XPO6: variants seen among roughly 807,000 people sequenced by gnomAD.
The protein encoded by XPO6 is exportin-6.
In XPO6, 3 loss-of-function variants were observed where a neutral mutation model predicts 130.0. The observed-to-expected ratio is 0.02, with a 90% CI of 0.01 to 0.06. The LOEUF is 0.06. Among genes scored for constraint, XPO6 ranks in the 10% least tolerant of loss-of-function variants. The pLI, the probability that XPO6 is intolerant of heterozygous loss-of-function variation, is 1.00. For missense variants in XPO6, 970 were observed against 1,393.0 expected (o/e 0.70, Z 4.83); for synonymous variants, 524 against 548.9 (o/e 0.95, Z 0.63).
intron 9 of XPO6, among the ~76,000 whole-genome samples, chr16:28,143,910 C>T (rs769120336): frequency 2.0e-5 from 3 of 152,236 alleles, no homozygotes; most frequent in Non-Finnish European, 4.4e-5. Context: ...GCTGGGATTA[C>T]AGGCAGGAGC....
chr16:28,107,530 T>C lies in XPO6; in HGVS notation c.2489A>G (p.His830Arg). ...VSLALFPAFI[H>R]QSDVTDEMLS... The stretch of plus-strand genomic sequence containing the variant: ...TCTGGGCCAGCTCCTACCTGACTGA[T>C]GGATAAAAGCTGGAAAGAGGGCCAG... Residue 830 changes from histidine to arginine, a missense_variant, in exon 18 of 24, where the codon CAT (histidine) becomes CGT (arginine). Physicochemically the swap from His to Arg is conservative, Grantham distance 29. This residue lies in a region of XPO6 where 936 missense variants were observed against 1,306.8 expected (regional missense o/e 0.72). Coordinates refer to ENST00000304658, the MANE Select transcript of XPO6 (RefSeq NM_015171.4). 1 of 1,614,104 alleles carries C rather than the reference T, an allele frequency of 6.2e-7. No homozygotes were observed. Among genetic ancestry groups the C allele is most frequent in the Non-Finnish European group, 8.5e-7 (1 of 1,179,988 alleles).
intron 1 of XPO6, among the ~76,000 whole-genome samples, chr16:28,181,931 C>T (rs2043623278): frequency 6.6e-6 from 1 of 152,044 alleles, no homozygotes; most frequent in Admixed American, 6.6e-5. Flanking sequence ...TCATATGGAG[C>T]CCCAAAACCC....
chr16:28,122,218 G>C (rs1258438061), intron 13 of XPO6, among the ~76,000 whole-genome samples: 1 of 152,028 alleles, frequency 6.6e-6, no homozygotes, highest in Non-Finnish European at 1.5e-5. Flanking sequence ...TTTAGGGGGA[G>C]GATAGAGTGG....
At chr16:28,113,144 G>C (rs2086971356) in intron 15 of XPO6, 94 bp from the exon 16 acceptor site, 1 of 1,471,422 alleles carries the variant, frequency 6.8e-7, no homozygotes, top group Non-Finnish European at 9.1e-7. Flanking sequence ...TGTCATTCTT[G>C]GTTTCCAAAT....
At chr16:28,120,829 A>G (rs538599636) in intron 14 of XPO6, among the ~76,000 whole-genome samples, 1 of 152,332 alleles carries the variant, frequency 6.6e-6, no homozygotes, top group African/African-American at 2.4e-5. Flanking sequence ...ATATTTTCAG[A>G]TTTGCAGGGC....
At chr16:28,206,529 C>T (rs1250341324) in intron 1 of XPO6, among the ~76,000 whole-genome samples, 1 of 152,062 alleles carries the variant, frequency 6.6e-6, no homozygotes, top group Admixed American at 6.6e-5. Flanking sequence ...GCCTGGACAA[C>T]AGAGCAAGAC....
intron 7 of XPO6, 66 bp downstream of exon 7, chr16:28,156,008 G>A (rs1168722520): frequency 6.5e-7 from 1 of 1,533,576 alleles, no homozygotes; most frequent in Non-Finnish European, 8.8e-7. Flanking sequence ...ATGCCATGCA[G>A]CACAGCATGG....
In XPO6 at chr16:28,121,817, CA is replaced by C. The variant is rs369298254; in HGVS notation, c.1767-56del. 719 of 1,216,170 alleles carry C rather than the reference CA, an allele frequency of 5.9e-4. 4 individuals carry two copies. In the East Asian group the frequency reaches 0.014, roughly 24 times the overall value. The allele number at this position is 1,216,170 out of a possible 1,614,324, so 75.3% of individuals were successfully genotyped here. A position where few individuals can be genotyped will look rare whatever the true frequency, so the allele number is the denominator to read the frequency against. On this transcript the variant is annotated intron_variant, in intron 13 of 23. Transcript: ENST00000304658. ...CATTCAGCTTATGAACTAAGACAGA[CA>C]AAACAGACAAGGCTGGTACCAGCAA...
intron 4 of XPO6, 45 bp downstream of exon 4, chr16:28,175,849 CAACA>C (rs1567639325): frequency 9.0e-6 from 14 of 1,561,980 alleles, no homozygotes; most frequent in South Asian, 5.6e-5. Flanking sequence ...ATAATCACTT[CAACA>C]AACAAACTAT....
chr16:28,143,181 T>C (rs181743927), intron 9 of XPO6, among the ~76,000 whole-genome samples: 72 of 152,354 alleles, frequency 4.7e-4, no homozygotes, highest in Middle Eastern at 6.8e-3. Flanking sequence ...ACTGTGACAT[T>C]AGACAACAGA....
At chr16:28,130,342 A>G (rs1230513062) in intron 12 of XPO6, among the ~76,000 whole-genome samples, 1 of 152,226 alleles carries the variant, frequency 6.6e-6, no homozygotes, top group African/African-American at 2.4e-5. Context: ...TAGAAAGTAA[A>G]TGCAAATGAA....
Position 28,177,285 on chromosome 16 carries a change from A to C in XPO6, c.142T>G (p.Cys48Gly). 1 of 1,613,314 alleles carries C rather than the reference A, an allele frequency of 6.2e-7. No homozygotes were observed. Among genetic ancestry groups the C allele is most frequent in the East Asian group, 2.2e-5 (1 of 44,850 alleles). Residue 48 changes from cysteine (C) to glycine (G), a missense_variant, in exon 3 of 24, where the codon TGC becomes GGC. Coordinates refer to ENST00000304658, the MANE Select transcript of XPO6 (RefSeq NM_015171.4). ...CTAGTGCTGGAGAGAAAGTACAGGCAGAATCTCCAGGCTCCTATTTGCTGG... is the reference window on the plus strand; with the variant it reads ...CTAGTGCTGGAGAGAAAGTACAGGCCGAATCTCCAGGCTCCTATTTGCTGG... Reference protein sequence around the residue: ...FAQQIGAWRFCLYFLSSTRND... With the variant: ...FAQQIGAWRFGLYFLSSTRND...
intron 23 of XPO6, among the ~76,000 whole-genome samples, chr16:28,100,679 A>G (rs2086637263): frequency 6.6e-6 from 1 of 152,240 alleles, no homozygotes; most frequent in Admixed American, 6.5e-5. Context: ...AATTTCATCA[A>G]GTATAAAACG....
chr16:28,104,560 T>G lies in XPO6; in HGVS notation c.2932A>C (p.Ser978Arg). The change falls in exon 21 of 24, where the codon AGT (serine) becomes CGT (arginine). Residue 978 changes from serine (S) to arginine (R), a missense_variant. This residue lies in a region of XPO6 where 936 missense variants were observed against 1,306.8 expected (regional missense o/e 0.72). Transcript: ENST00000304658. ...CCCCACGTTACCTGCATGATGGCAC[T>G]GAACTGGGGCTCATTCTCCATCTGC... ...EEQMENEPQF[S>R]AIMQAFGQSF... 6.2e-7 allele frequency: 1 copy of G among 1,614,174 alleles called. No homozygotes were observed. The highest frequency in any genetic ancestry group is 8.5e-7 in the Non-Finnish European group (1 of 1,180,008).
chr16:28,206,250 T>C (rs549079628), intron 1 of XPO6, among the ~76,000 whole-genome samples: 1 of 152,036 alleles, frequency 6.6e-6, no homozygotes, highest in African/African-American at 2.4e-5. Flanking sequence ...CATTATTTCA[T>C]GATTATTTGG....
At chr16:28,199,543 C>G (rs1001441481) in intron 1 of XPO6, among the ~76,000 whole-genome samples, 3 of 152,076 alleles carry the variant, frequency 2.0e-5, no homozygotes, top group Admixed American at 2.0e-4. Flanking sequence ...TCCCAAAGTG[C>G]TGGGATTACA....
chr16:28,173,870 T>C (rs933405338), intron 4 of XPO6, among the ~76,000 whole-genome samples: 4 of 152,200 alleles, frequency 2.6e-5, no homozygotes, highest in Non-Finnish European at 5.9e-5. Flanking sequence ...AAACGTTCTG[T>C]TCTTCATCAA....
intron 1 of XPO6, among the ~76,000 whole-genome samples, chr16:28,193,715 G>A (rs2043817303): frequency 6.6e-6 from 1 of 152,088 alleles, no homozygotes; most frequent in African/African-American, 2.4e-5. Context: ...TCACATCCCT[G>A]GAGAGAGAAG....
rs56821334 is a variant in XPO6, at chr16:28,160,504, C to CA, written c.644-3978dup. Among the ~76,000 whole-genome samples, 748 of 113,164 alleles carry CA rather than the reference C, an allele frequency of 6.6e-3. 18 individuals are homozygous for CA. The highest frequency in any genetic ancestry group is 0.054 in the Middle Eastern group (11 of 202). The allele number at this position is 113,164 out of a possible 152,430, so 74.2% of individuals were successfully genotyped here. On this transcript the variant is annotated intron_variant, in intron 6 of 23. Coordinates refer to ENST00000304658, the MANE Select transcript of XPO6 (RefSeq NM_015171.4). ...GGATAACAAAGTGAGACTCCATCAC[C>CA]AAAAAAAAAAAAAAAATCAAGTAAA...
Sources: gnomAD v4.1 joint callset for allele counts (sites outside exome capture counted in the v4.1 genomes callset) on GRCh38, gnomAD v4.1.1 for gene constraint, gnomAD v4.1.1 regional missense constraint, MANE v1.5 for transcripts, NCBI Gene and HGNC (gene_info 2026-07-23, HGNC 2026-07-21) for gene names.